Variants in GRM8 observed in about 807,000 individuals in gnomAD.
The protein encoded by GRM8 is metabotropic glutamate receptor 8.
Under a neutral mutation model 87.2 loss-of-function variants are expected in GRM8, and 47 were observed. The ratio of observed to expected loss-of-function variants is 0.54; its 90% CI spans 0.43 to 0.69. The LOEUF (loss-of-function observed/expected upper bound fraction) is 0.69, where lower values mean the gene tolerates loss of function less well. Ranked by LOEUF, GRM8 falls within the 30% of genes least tolerant of loss-of-function variation. The pLI is 0.00. For synonymous variants in GRM8, 396 were observed against 404.5 expected, an observed-to-expected ratio of 0.98 and a Z score of 0.25; for missense variants, 1,019 against 1,139.2, an observed-to-expected ratio of 0.89 and a Z score of 1.52.
At chr7:127,040,706 C>T (rs1818351985) in intron 3 of GRM8, among the ~76,000 whole-genome samples, 1 of 152,130 alleles carries the variant, frequency 6.6e-6, no homozygotes, top group South Asian at 2.1e-4. Flanking sequence ...TTTACTAACC[C>T]CGGAATGGGA....
chr7:126,906,397 C>A (rs184014193), intron 3 of GRM8, among the ~76,000 whole-genome samples: 9 of 152,274 alleles, frequency 5.9e-5, no homozygotes, highest in Admixed American at 2.6e-4. Context: ...TTCACTGTAG[C>A]CTCAAAGCCC....
Position 126,514,134 on chromosome 7 carries a change from A to G in GRM8, c.2430+18818T>C, listed in dbSNP as rs1001518534. Among the ~76,000 whole-genome samples the G allele has an allele frequency of 2.6e-5, 4 of 152,152 alleles. No individual in the cohort carries two copies. In the East Asian group the frequency reaches 7.7e-4, roughly 29 times the overall value. On this transcript the variant is annotated intron_variant, in intron 9 of 10. Transcript: ENST00000339582. ...GAGGAAAATAAGTATCCCAGTGCCT[A>G]TGGAGATGAGCATTTAGTGACTTAA...
intron 6 of GRM8, among the ~76,000 whole-genome samples, chr7:126,809,164 A>G (rs1166560046): frequency 6.6e-6 from 1 of 152,138 alleles, no homozygotes; most frequent in East Asian, 1.9e-4. Context: ...AAATCTCTCT[A>G]ACACAAGCCT....
intron 3 of GRM8, among the ~76,000 whole-genome samples, chr7:126,988,419 A>G (rs1405604017): frequency 6.6e-6 from 1 of 152,220 alleles, no homozygotes; most frequent in African/African-American, 2.4e-5. Flanking sequence ...AATGTCTCCT[A>G]TTTTCATAAG....
chr7:127,051,739 C>CAAAAAAAAAAAAAAAAAA (rs59713382), intron 3 of GRM8, among the ~76,000 whole-genome samples: 1 of 58,462 alleles, frequency 1.7e-5, no homozygotes, highest in African/African-American at 6.0e-5. Flanking sequence ...TAATGTTGAG[C>CAAAAAAAAAAAAAAAAAA]AAAAAAAAAA....
chr7:126,825,796 T>C, intron 6 of GRM8, among the ~76,000 whole-genome samples: 1 of 152,026 alleles, frequency 6.6e-6, no homozygotes, highest in Non-Finnish European at 1.5e-5. Flanking sequence ...TGTATACATG[T>C]GCCATGCTGG....
chr7:127,047,987 A>G (rs1299930653), intron 3 of GRM8, among the ~76,000 whole-genome samples: 2 of 152,260 alleles, frequency 1.3e-5, no homozygotes, highest in Non-Finnish European at 2.9e-5. Flanking sequence ...CTCAACAAAC[A>G]TCTATTGAAT....
intron 7 of GRM8, among the ~76,000 whole-genome samples, chr7:126,686,401 G>C (rs1361065752): frequency 6.6e-6 from 1 of 152,188 alleles, no homozygotes; most frequent in African/African-American, 2.4e-5. Flanking sequence ...AAGAGAAGGA[G>C]AGAAAAGCTG....
At chr7:126,868,160 A>G (rs1003553882) in intron 6 of GRM8, among the ~76,000 whole-genome samples, 2 of 152,178 alleles carry the variant, frequency 1.3e-5, no homozygotes, top group Non-Finnish European at 2.9e-5. Flanking sequence ...GACCTCTCCA[A>G]GCCAGACCCA....
At chr7:126,881,512 C>T (rs1800018251) in intron 6 of GRM8, among the ~76,000 whole-genome samples, 1 of 152,164 alleles carries the variant, frequency 6.6e-6, no homozygotes, top group Admixed American at 6.5e-5. Flanking sequence ...AGCAGAGAGT[C>T]CCAGTCATGC....
chr7:126,744,375 A>T (rs569130963), intron 7 of GRM8, among the ~76,000 whole-genome samples: 12 of 152,066 alleles, frequency 7.9e-5, no homozygotes, highest in Non-Finnish European at 1.6e-4. Flanking sequence ...CCAATGATAA[A>T]ATTTGGGCCT....
rs1204216164 is a variant in GRM8 at position 126,886,983 on chromosome 7, T to C, written c.1156+15559A>G. 2.0e-5 allele frequency among the ~76,000 whole-genome samples: 3 copies of C among 152,156 alleles called. No individual in the cohort carries two copies. In the South Asian group the frequency reaches 6.2e-4, roughly 32 times the overall value. On this transcript the variant is annotated intron_variant, in intron 6 of 10. Transcript: ENST00000339582. ...GTGCAGAGAAGTATTACTTCAGAAA[T>C]GTGTCCAGACAAAGAAAACTCATTC...
chr7:127,004,736 A>T (rs1270248760), intron 3 of GRM8, among the ~76,000 whole-genome samples: 1 of 151,676 alleles, frequency 6.6e-6, no homozygotes, highest in Non-Finnish European at 1.5e-5. Context: ...CAGAATCGTA[A>T]CCTTCAAAAT....
intron 2 of GRM8, among the ~76,000 whole-genome samples, chr7:127,225,099 C>T (rs547823831): frequency 1.8e-4 from 27 of 152,268 alleles, no homozygotes; most frequent in Admixed American, 1.4e-3. Context: ...GGAAAAGGTC[C>T]AAGGAGAAAC....
chr7:127,106,756 G>T, intron 2 of GRM8, 44 bp from the exon 3 acceptor site: 1 of 1,332,032 alleles, frequency 7.5e-7, no homozygotes, highest in South Asian at 1.2e-5. Context: ...GACGAATCTT[G>T]AAGAATGATG....
intron 8 of GRM8, among the ~76,000 whole-genome samples, chr7:126,574,415 G>A (rs900241264): frequency 2.0e-5 from 3 of 152,016 alleles, no homozygotes; most frequent in Non-Finnish European, 4.4e-5. Flanking sequence ...CAGTAAGTCT[G>A]TAAACAGAGA....
chr7:127,048,996 A>C (rs535875264), intron 3 of GRM8, among the ~76,000 whole-genome samples: 2 of 152,232 alleles, frequency 1.3e-5, no homozygotes, highest in South Asian at 4.1e-4. Context: ...GAATTTATTT[A>C]CTCTAGCCCT....
At chr7:126,717,250 T>C (rs1475963478) in intron 7 of GRM8, among the ~76,000 whole-genome samples, 2 of 152,178 alleles carry the variant, frequency 1.3e-5, no homozygotes, top group Non-Finnish European at 2.9e-5. Flanking sequence ...ACAATGGAGC[T>C]GATCCCTGAG....
intron 6 of GRM8, among the ~76,000 whole-genome samples, chr7:126,856,844 G>A (rs550497195): frequency 1.3e-5 from 2 of 152,290 alleles, no homozygotes; most frequent in Admixed American, 6.5e-5. Flanking sequence ...TGGAAGATTC[G>A]TGCATTCTTT....
Sources: allele counts gnomAD v4.1 joint callset (sites outside exome capture counted in the v4.1 genomes callset), GRCh38; gene constraint gnomAD v4.1.1; transcripts MANE v1.5; gene names NCBI Gene and HGNC (gene_info 2026-07-23, HGNC 2026-07-21).